Variants in ZNF675 observed in about 807,000 individuals in gnomAD.
The protein encoded by ZNF675 is TRAF6 inhibitory zinc finger.
Under a neutral mutation model 56.1 loss-of-function variants are expected in ZNF675, and 36 were observed. The ratio of observed to expected loss-of-function variants is 0.64; its 90% CI spans 0.49 to 0.85. The LOEUF (loss-of-function observed/expected upper bound fraction) is 0.85, where lower values mean the gene tolerates loss of function less well. ZNF675 is among the 40% of genes least tolerant of loss of function. The pLI, the probability that ZNF675 is intolerant of heterozygous loss-of-function variation, is 0.00. For synonymous variants in ZNF675, 200 were observed against 218.9 expected, an observed-to-expected ratio of 0.91 and a Z score of 0.76; for missense variants, 663 against 654.2, an observed-to-expected ratio of 1.01 and a Z score of -0.15.
Position 23,654,622 on chromosome 19 carries a change from T to G in ZNF675, c.311A>C (p.Glu104Ala), listed in dbSNP as rs527310639. The G allele has an allele frequency of 5.0e-6, 8 of 1,609,362 alleles. No individual in the cohort carries two copies. The East Asian group carries it at 1.3e-4, about 27-fold the overall frequency. The change falls in exon 4 of 4, where the codon GAA becomes GCA. Residue 104 changes from glutamate (E) to alanine (A), a missense_variant. By Grantham distance (107) the Glu-to-Ala change is moderately radical (BLOSUM62 -1). Around this residue, in one of 3 missense-constraint regions of ZNF675, gnomAD observed 617 missense variants for 590.5 expected, o/e 1.04. Transcript: ENST00000359788. Reference protein sequence around the residue: ...SFEKVTLRRYEKCGNDNFQLK... With the variant: ...SFEKVTLRRYAKCGNDNFQLK... ...CTGAAAATTATCATTTCCACATTTTTCATATCTTCTCAGTGTCACTTTTTC... is the reference window on the plus strand; with the variant it reads ...CTGAAAATTATCATTTCCACATTTTGCATATCTTCTCAGTGTCACTTTTTC...
chr19:23,677,891 G>A (rs1400773052), intron 1 of ZNF675, among the ~76,000 whole-genome samples: 3 of 151,670 alleles, frequency 2.0e-5, no homozygotes, highest in African/African-American at 4.9e-5. Flanking sequence ...AGGCCGAGGC[G>A]GGTGGATCAC....
chr19:23,666,442 C>A (rs139927484), intron 1 of ZNF675, among the ~76,000 whole-genome samples: 123 of 152,270 alleles, frequency 8.1e-4, no homozygotes, highest in African/African-American at 2.8e-3. Flanking sequence ...AGGTGAGCAC[C>A]AAGTGGCCAA....
At chr19:23,674,181 C>T (rs970894505) in intron 1 of ZNF675, among the ~76,000 whole-genome samples, 5 of 150,080 alleles carry the variant, frequency 3.3e-5, no homozygotes, top group Non-Finnish European at 5.9e-5. Context: ...CCAGCCTAGG[C>T]GAAAAGAGCA....
chr19:23,680,034 C>T (rs1028466752), intron 1 of ZNF675, among the ~76,000 whole-genome samples: 2 of 151,102 alleles, frequency 1.3e-5, no homozygotes, highest in African/African-American at 2.5e-5. Context: ...TATGGCCAGA[C>T]GCGGTGGCTC....
chr19:23,683,498 T>C (rs1968403675), intron 1 of ZNF675, among the ~76,000 whole-genome samples: 1 of 152,128 alleles, frequency 6.6e-6, no homozygotes, highest in Non-Finnish European at 1.5e-5. Flanking sequence ...CTCGGCTCAC[T>C]GCAACCTCCA....
At chr19:23,662,953 T>A in intron 2 of ZNF675, 79 bp downstream of exon 2, 1 of 1,374,272 alleles carries the variant, frequency 7.3e-7, no homozygotes, top group Non-Finnish European at 9.7e-7. Context: ...CACTGCACTC[T>A]AGCCTGGTGA....
At chr19:23,667,849 A>C (rs1327698076) in intron 1 of ZNF675, among the ~76,000 whole-genome samples, 1 of 151,084 alleles carries the variant, frequency 6.6e-6, no homozygotes, top group African/African-American at 2.5e-5. Context: ...GTGCACTCAC[A>C]AACCCTGAGC....
chr19:23,686,618 G>A (rs1436216303), intron 1 of ZNF675, among the ~76,000 whole-genome samples: 1 of 152,102 alleles, frequency 6.6e-6, no homozygotes, highest in African/African-American at 2.4e-5. Context: ...GAGCCACCGC[G>A]CCCGGCCCTC....
intron 3 of ZNF675, among the ~76,000 whole-genome samples, chr19:23,659,810 G>A (rs8100161): frequency 0.97 from 147,851 of 152,180 alleles, 71,985 homozygotes; most frequent in Middle Eastern, 1. Context: ...CCAGAGGAAG[G>A]TACCCATTTA....
chr19:23,675,335 A>G (rs953389187), intron 1 of ZNF675, among the ~76,000 whole-genome samples: 1 of 151,782 alleles, frequency 6.6e-6, no homozygotes, highest in Non-Finnish European at 1.5e-5. Context: ...TAGGACCTAA[A>G]CTCAACACTT....
chr19:23,653,780 C>G lies in ZNF675; in HGVS notation c.1153G>C (p.Glu385Gln). 1.2e-6 allele frequency: 2 copies of G among 1,612,914 alleles called. No homozygotes were observed. Among genetic ancestry groups the G allele is most frequent in the Non-Finnish European group, 1.7e-6 (2 of 1,179,736 alleles). Residue 385 changes from glutamate to glutamine, a missense_variant, in exon 4 of 4, where the codon GAA (glutamate) becomes CAA (glutamine). Glu to Gln is a conservative substitution (Grantham distance 29). Transcript: ENST00000359788. The part of the protein sequence containing the change: ...KAFNRSSNLT[E>Q]HRKIHTEEKP... ...TCTTCGGTATGAATTTTCCTATGTT[C>G]CGTAAGATTTGAGGATCGGTTAAAA...
intron 2 of ZNF675, 109 bp from the exon 3 acceptor site, chr19:23,662,318 C>T: frequency 1.4e-6 from 1 of 717,284 alleles, no homozygotes; most frequent in Non-Finnish European, 2.3e-6. Context: ...GTAAATTAAT[C>T]CCAAAATACT....
Position 23,654,295 on chromosome 19 carries a change from G to T in ZNF675, c.638C>A (p.Ser213Ter). 1.2e-6 allele frequency: 2 copies of T among 1,611,408 alleles called. No individual in the cohort carries two copies. Among genetic ancestry groups the T allele is most frequent in the Non-Finnish European group, 1.7e-6 (2 of 1,179,302 alleles). ...EECEKAVNQS[S>*]KLTKHKRIYT... ...AATTCTTTTATGTTTAGTAAGCTTT[G>T]AAGATTGGTTAACAGCTTTTTCACA... is the stretch of plus-strand genomic sequence containing the variant. Residue 213 changes from serine to a stop codon, truncating the protein, a stop_gained, in exon 4 of 4, where the codon TCA becomes TAA. Transcript: ENST00000359788. LOFTEE classifies it high-confidence loss of function.
At chr19:23,667,165 C>T (rs1466822135) in intron 1 of ZNF675, among the ~76,000 whole-genome samples, 3 of 151,942 alleles carry the variant, frequency 2.0e-5, no homozygotes, top group Non-Finnish European at 2.9e-5. Flanking sequence ...GTGAGTGTTA[C>T]AGCTCTTAAG....
Position 23,678,774 on chromosome 19 carries a change from G to A in ZNF675, c.3+8257C>T, listed in dbSNP as rs191773320. Among the ~76,000 whole-genome samples, 43 of 151,476 alleles carry A rather than the reference G, an allele frequency of 2.8e-4. 2 individuals carry two copies. Among genetic ancestry groups the A allele is most frequent in the East Asian group, 2.1e-3 (11 of 5,168 alleles). ...ATAGAGAGCCAAAAAATAATGCCACGCACTTAAAACCATCTGATCTTCAAC... is the reference window on the plus strand; with the variant it reads ...ATAGAGAGCCAAAAAATAATGCCACACACTTAAAACCATCTGATCTTCAAC... On this transcript the variant is annotated intron_variant, in intron 1 of 3. Transcript: ENST00000359788.
In ZNF675 at chr19:23,653,303, C is replaced by T; in HGVS notation, c.1630G>A (p.Ala544Thr). ...GTAAGGTTTGCAGATTGGTTAAAAG[C>T]TTTGTCACATCTCTCACATTTATAG... is the stretch of plus-strand genomic sequence containing the variant. The part of the protein sequence containing the change: ...KPYKCERCDK[A>T]FNQSANLTKH... Residue 544 changes from alanine (A) to threonine (T), a missense_variant, in exon 4 of 4, where the codon GCT (alanine) becomes ACT (threonine). Transcript: ENST00000359788. The T allele has an allele frequency of 6.2e-7, 1 of 1,613,664 alleles. No homozygotes were observed. The highest frequency in any genetic ancestry group is 1.7e-5 in the Admixed American group (1 of 59,974).
chr19:23,661,859 A>G (rs780280144), intron 3 of ZNF675: 2 of 350,478 alleles, frequency 5.7e-6, no homozygotes, highest in Admixed American at 8.5e-5. Flanking sequence ...AGTCTCTTGT[A>G]TGCCATGAAG....
intron 1 of ZNF675, among the ~76,000 whole-genome samples, chr19:23,673,023 A>G (rs1249548447): frequency 2.6e-5 from 4 of 152,230 alleles, no homozygotes; most frequent in African/African-American, 9.6e-5. Flanking sequence ...ACTGGTGGCA[A>G]TAGCAAACAG....
rs752210070 is a variant in ZNF675 at position 23,687,019 on chromosome 19, C to T, written c.3+12G>A. ...CTTCCCCCTCTCGGGATGTCGCACC[C>T]GTAACTCTCACCATTTCTAGGCTTC... On this transcript the variant is annotated intron_variant, in intron 1 of 3. Transcript: ENST00000359788. 6.2e-6 allele frequency: 10 copies of T among 1,613,590 alleles called. No individual in the cohort carries two copies. In the Admixed American group the frequency reaches 1.5e-4, roughly 24 times the overall value.
Sources: allele counts gnomAD v4.1 joint callset (sites outside exome capture counted in the v4.1 genomes callset), GRCh38; gene constraint gnomAD v4.1.1; regional missense constraint gnomAD v4.1.1; transcripts MANE v1.5; gene names NCBI Gene and HGNC (gene_info 2026-07-23, HGNC 2026-07-21).